The following CHTF18 variants were observed in gnomAD, a reference collection of about 807,000 sequenced individuals.
The protein encoded by CHTF18 is chromosome transmission fidelity protein 18 homolog.
In CHTF18, 151 loss-of-function variants were observed where a neutral mutation model predicts 113.4. The observed-to-expected ratio is 1.33, with a 90% CI of 1.17 to 1.52. The LOEUF (loss-of-function observed/expected upper bound fraction) is 1.52, where lower values mean the gene tolerates loss of function less well. Among genes scored for constraint, CHTF18 ranks in the 40% most tolerant of loss-of-function variants. The pLI, the probability that CHTF18 is intolerant of heterozygous loss-of-function variation, is 0.00. For synonymous variants in CHTF18, 916 were observed against 598.8 expected, an observed-to-expected ratio of 1.53 and a Z score of -7.74; for missense variants, 1,982 against 1,381.6, an observed-to-expected ratio of 1.43 and a Z score of -6.89.
chr16:798,065 C>T lies in CHTF18; in HGVS notation c.*90C>T. 2.0e-6 allele frequency: 3 copies of T among 1,492,784 alleles called. No individual in the cohort carries two copies. Among genetic ancestry groups the T allele is most frequent in the South Asian group, 2.5e-5 (2 of 78,634 alleles). 92.5% of individuals were successfully genotyped at this position (1,492,784 alleles called of 1,614,324 possible). ...ATGTCTTTATAAAGTCACACCTTTA[C>T]AGACTGTAATCACGTGCGAGTGGAG... On this transcript the variant is annotated 3_prime_UTR_variant, in exon 22 of 22. Coordinates refer to ENST00000262315, the MANE Select transcript of CHTF18 (RefSeq NM_022092.3).
Position 793,073 on chromosome 16 carries a change from C to T in CHTF18, c.1671+9C>T. ...GCATCAACACCCTGCAGGTGGGCGG[C>T]CGGCAGGCACCGGGTGGGGTGGGGT... On this transcript the variant is annotated intron_variant, in intron 13 of 21. Coordinates refer to ENST00000262315, the MANE Select transcript of CHTF18 (RefSeq NM_022092.3). 6.6e-7 allele frequency: 1 copy of T among 1,510,244 alleles called. No homozygotes were observed. The highest frequency in any genetic ancestry group is 9.0e-7 in the Non-Finnish European group (1 of 1,117,274). 93.6% of individuals were successfully genotyped at this position (1,510,244 alleles called of 1,614,324 possible).
intron 4 of CHTF18, 71 bp downstream of exon 4, chr16:789,786 C>A: frequency 6.8e-7 from 1 of 1,461,508 alleles, no homozygotes; most frequent in Non-Finnish European, 9.1e-7. Context: ...TGGAGCCCCT[C>A]ACCCCTGCCA....
At position 796,975 on chromosome 16, in the gene CHTF18, C is replaced by T; in HGVS notation, c.2616C>T (p.Pro872=). Residue 872 remains proline (P), a synonymous_variant, in exon 20 of 22, where the codon CCC becomes CCT. Transcript: ENST00000262315. ...GCTCCCTACAGGTGGATGGGAGCCC[C>T]CCAGGGCTCGAGGGTCTGCTGGGGG... The part of the protein sequence containing the change: ...VENSPQVDGS[P]PGLEGLLGGI... 2.0e-6 allele frequency: 3 copies of T among 1,528,072 alleles called. No individual in the cohort carries two copies. Among genetic ancestry groups the T allele is most frequent in the South Asian group, 1.3e-5 (1 of 78,092 alleles). The allele number at this position is 1,528,072 out of a possible 1,614,324, so 94.7% of individuals were successfully genotyped here.
chr16:791,097 G>C, intron 7 of CHTF18, 64 bp from the exon 8 acceptor site: 1 of 1,545,808 alleles, frequency 6.5e-7, no homozygotes, highest in Non-Finnish European at 8.7e-7. Flanking sequence ...ATGGTGGCAG[G>C]TGGACTGTCC....
At position 788,632 on chromosome 16, in the gene CHTF18, A is replaced by T; in HGVS notation, c.-53A>T. 1.4e-6 allele frequency: 2 copies of T among 1,381,108 alleles called. No homozygotes were observed. Among genetic ancestry groups the T allele is most frequent in the Non-Finnish European group, 1.9e-6 (2 of 1,046,188 alleles). The allele number at this position is 1,381,108 out of a possible 1,614,324, so 85.6% of individuals were successfully genotyped here. On this transcript the variant is annotated 5_prime_UTR_variant, in exon 1 of 22. Coordinates refer to ENST00000262315, the MANE Select transcript of CHTF18 (RefSeq NM_022092.3). ...GCACGCTCGGGGCGGGCAGTGCGCG[A>T]CGGCGGCGGCGGCGCGGGAGGTTCG...
In CHTF18 at chr16:797,045, G is replaced by A; in HGVS notation, c.2686G>A (p.Glu896Lys). The A allele has an allele frequency of 6.4e-7, 1 of 1,561,700 alleles. No homozygotes were observed. The highest frequency in any genetic ancestry group is 1.2e-5 in the South Asian group (1 of 83,250). ...GVHRPAPRNH[E>K]QRLEHIMRRA... ...GCACCGACCTGCCCCACGCAACCAT[G>A]AGCAGCGGCTGGAGCACATCATGAG... The change falls in exon 20 of 22, where the codon GAG becomes AAG. Residue 896 changes from glutamate (E) to lysine (K), a missense_variant. By Grantham distance (56) the Glu-to-Lys change is moderately conservative (BLOSUM62 1). Coordinates refer to ENST00000262315, the MANE Select transcript of CHTF18 (RefSeq NM_022092.3).
Position 791,918 on chromosome 16 carries a change from C to T in CHTF18, c.1172C>T (p.Ala391Val), listed in dbSNP as rs373070511. 6.2e-5 allele frequency: 100 copies of T among 1,609,652 alleles called. No individual in the cohort carries two copies. Among genetic ancestry groups the T allele is most frequent in the African/African-American group, 5.5e-4 (41 of 74,888 alleles). ...TTLAHVIARH[A>V]GYSVVEMNAS... ...CTGGCACACGTGATTGCGCGTCACG[C>T]GGGGTACTCTGTGGTGGAGATGAAC... is the stretch of plus-strand genomic sequence containing the variant. The change falls in exon 9 of 22, where the codon GCG becomes GTG. Residue 391 changes from alanine (A) to valine (V), a missense_variant. Transcript: ENST00000262315.
In CHTF18 at chr16:791,816, G is replaced by A. The variant is rs148194813; in HGVS notation, c.1105-35G>A. 1,182 of 1,570,400 alleles carry A rather than the reference G, an allele frequency of 7.5e-4. 11 individuals are homozygous for A. In the East Asian group the frequency reaches 0.024, roughly 31 times the overall value. On this transcript the variant is annotated intron_variant, in intron 8 of 21. Coordinates refer to ENST00000262315, the MANE Select transcript of CHTF18 (RefSeq NM_022092.3). ...TAGGCCGGGAGCGTCCTGTAGGTGC[G>A]GTGCACACTACGCCTTCATCTACCT...
rs200710292 is a variant in CHTF18 at position 794,042 on chromosome 16, C to G, written c.1803-12C>G. On this transcript the variant is annotated splice_polypyrimidine_tract_variant and intron_variant, in intron 14 of 21. Coordinates refer to ENST00000262315, the MANE Select transcript of CHTF18 (RefSeq NM_022092.3). ...AACACGGGTCCATCTAGCTTCAGCA[C>G]CCCACCTGCAGGCGCCGTGTGGGCC... is the stretch of plus-strand genomic sequence containing the variant. 2.2e-4 allele frequency: 356 copies of G among 1,606,310 alleles called. 4 individuals are homozygous for G. Among genetic ancestry groups the G allele is most frequent in the Middle Eastern group, 2.0e-3 (10 of 5,034 alleles).
chr16:791,981 T>C, intron 9 of CHTF18, 33 bp downstream of exon 9: 2 of 1,581,492 alleles, frequency 1.3e-6, no homozygotes, highest in Non-Finnish European at 1.7e-6. Context: ...CTGGCTCGCC[T>C]TCTGTCCTGA....
rs940780192 is a variant in CHTF18, at chr16:789,418, C to A, written c.437+58C>A. ...TCTGTCCAGTGGGACTCAGATGGAGCCCATCCCGTGCCCTGGATGAGGCCT... is the reference window on the plus strand; with the variant it reads ...TCTGTCCAGTGGGACTCAGATGGAGACCATCCCGTGCCCTGGATGAGGCCT... On this transcript the variant is annotated intron_variant, in intron 3 of 21. Transcript: ENST00000262315. 4 of 1,534,234 alleles carry A rather than the reference C, an allele frequency of 2.6e-6. No homozygotes were observed. The Admixed American group carries it at 7.8e-5, about 30-fold the overall frequency.
Position 789,306 on chromosome 16 carries a change from C to T in CHTF18, c.383C>T (p.Thr128Met), listed in dbSNP as rs773819420. ...CCGCCCCCTCCCGACTCCTCGCCGA[C>T]GGACATCACCCCGCCGCCGAGCCCT... ...EEPPPPDSSP[T>M]DITPPPSPED... The change falls in exon 3 of 22, where the codon ACG becomes ATG. Residue 128 changes from threonine to methionine, a missense_variant. By Grantham distance (81) the Thr-to-Met change is moderately conservative. Coordinates refer to ENST00000262315, the MANE Select transcript of CHTF18 (RefSeq NM_022092.3). 5.6e-6 allele frequency: 9 copies of T among 1,599,656 alleles called. No individual in the cohort carries two copies. Among genetic ancestry groups the T allele is most frequent in the East Asian group, 4.5e-5 (2 of 44,148 alleles).
chr16:798,068 A>G lies in CHTF18; in HGVS notation c.*93A>G. 6.7e-7 allele frequency: 1 copy of G among 1,483,676 alleles called. No individual in the cohort carries two copies. Among genetic ancestry groups the G allele is most frequent in the Admixed American group, 2.0e-5 (1 of 51,144 alleles). 91.9% of individuals were successfully genotyped at this position (1,483,676 alleles called of 1,614,324 possible). A position where few individuals can be genotyped will look rare whatever the true frequency, so the allele number is the denominator to read the frequency against. ...TCTTTATAAAGTCACACCTTTACAGACTGTAATCACGTGCGAGTGGAGTGG... is the reference window on the plus strand; with the variant it reads ...TCTTTATAAAGTCACACCTTTACAGGCTGTAATCACGTGCGAGTGGAGTGG... On this transcript the variant is annotated 3_prime_UTR_variant, in exon 22 of 22. Coordinates refer to ENST00000262315, the MANE Select transcript of CHTF18 (RefSeq NM_022092.3).
At position 793,128 on chromosome 16, in the gene CHTF18, C is replaced by T. The variant is rs373516349; in HGVS notation, c.1672-16C>T. 1.3e-6 allele frequency: 2 copies of T among 1,587,082 alleles called. No homozygotes were observed. Among genetic ancestry groups the T allele is most frequent in the South Asian group, 1.1e-5 (1 of 87,150 alleles). On this transcript the variant is annotated splice_polypyrimidine_tract_variant and intron_variant, in intron 13 of 21. Coordinates refer to ENST00000262315, the MANE Select transcript of CHTF18 (RefSeq NM_022092.3). ...TCAGGAGTTGGCCGCTTCTCATGCCCCCGCCCTATGTCTAGTTCCTGTACA... is the reference window on the plus strand; with the variant it reads ...TCAGGAGTTGGCCGCTTCTCATGCCTCCGCCCTATGTCTAGTTCCTGTACA...
At chr16:796,531 G>A (rs962019259) in intron 18 of CHTF18, 186 bp from the exon 19 acceptor site, 68 of 655,764 alleles carry the variant, frequency 1.0e-4, no homozygotes, top group Middle Eastern at 8.3e-4. Flanking sequence ...TGCAGTTGGG[G>A]AAACTGAGGC....
In CHTF18 at chr16:795,928, G is replaced by A; in HGVS notation, c.2326-19G>A. The A allele has an allele frequency of 6.2e-7, 1 of 1,603,282 alleles. No homozygotes were observed. The highest frequency in any genetic ancestry group is 1.7e-5 in the Admixed American group (1 of 59,588). On this transcript the variant is annotated intron_variant, in intron 17 of 21. Coordinates refer to ENST00000262315, the MANE Select transcript of CHTF18 (RefSeq NM_022092.3). The stretch of plus-strand genomic sequence containing the variant: ...GTACAGCCTGCTCAGCTCCCTGTCT[G>A]CTGCCTCCCATCCCCTAGGTGAGCA...
In CHTF18 at chr16:791,940, G is replaced by T; in HGVS notation, c.1194G>T (p.Met398Ile). The T allele has an allele frequency of 6.2e-7, 1 of 1,607,808 alleles. No homozygotes were observed. The highest frequency in any genetic ancestry group is 1.1e-5 in the South Asian group (1 of 89,744). The stretch of plus-strand genomic sequence containing the variant: ...ACGCGGGGTACTCTGTGGTGGAGAT[G>T]AACGCCAGGTGAGTGATGTGAGGTC... ...ARHAGYSVVE[M>I]NASDDRSPEV... Residue 398 changes from methionine (M) to isoleucine (I), a missense_variant, in exon 9 of 22, where the codon ATG becomes ATT. By Grantham distance (10) the Met-to-Ile change is conservative. Transcript: ENST00000262315.
rs755577200 is a variant in CHTF18 at position 789,271 on chromosome 16, G to T, written c.348G>T (p.Glu116Asp). 1.0e-5 allele frequency: 16 copies of T among 1,570,692 alleles called. No individual in the cohort carries two copies. In the East Asian group the frequency reaches 1.7e-4, roughly 16 times the overall value. ...VVKRLNFRSE[E>D]MEEPPPPDSS... ...AGAGGCTGAACTTCAGATCGGAGGA[G>T]ATGGAGGAGCCGCCCCCTCCCGACT... Residue 116 changes from glutamate to aspartate, a missense_variant, in exon 3 of 22, where the codon GAG becomes GAT. Glu to Asp is a conservative substitution (Grantham distance 45). Coordinates refer to ENST00000262315, the MANE Select transcript of CHTF18 (RefSeq NM_022092.3).
At chr16:792,405 C>G in intron 10 of CHTF18, 34 bp from the exon 11 acceptor site, 1 of 1,560,956 alleles carries the variant, frequency 6.4e-7, no homozygotes, top group Non-Finnish European at 8.7e-7. Flanking sequence ...GGCAGCAGGG[C>G]CTGGACTCAC....
Sources: allele counts gnomAD v4.1 joint callset, GRCh38; gene constraint gnomAD v4.1.1; transcripts MANE v1.5; gene names NCBI Gene and HGNC (gene_info 2026-07-23, HGNC 2026-07-21).